The following NAB2 variants were observed in gnomAD, a reference collection of about 807,000 sequenced individuals.
NAB2 encodes the protein NGFI-A binding protein 2.
NAB2 carries 9 observed loss-of-function variants against 44.2 expected under a neutral mutation model. That is an observed-to-expected ratio of 0.20 (90% CI 0.12 to 0.36). The LOEUF is 0.36. Among genes scored for constraint, NAB2 ranks in the 10% least tolerant of loss-of-function variants. The probability of loss-of-function intolerance (pLI) is 1.00; values close to 1 mark genes in which losing one functional copy is unlikely to be tolerated. For synonymous variants in NAB2, 342 were observed against 291.0 expected (o/e 1.18, Z -1.78); for missense variants, 514 against 709.0 (o/e 0.73, Z 3.12).
intron 1 of NAB2, among the ~76,000 whole-genome samples, chr12:57,089,953 G>A (rs1484667995): frequency 6.6e-6 from 1 of 152,174 alleles, no homozygotes; most frequent in East Asian, 1.9e-4. Context: ...GAGAGTAGGC[G>A]GGAGCCCCTG....
intron 2 of NAB2, 139 bp downstream of exon 2, chr12:57,092,137 G>GC: frequency 1.4e-6 from 2 of 1,392,206 alleles, no homozygotes; most frequent in Non-Finnish European, 9.4e-7. Flanking sequence ...TCCCCAACAG[G>GC]CCCCTACCCC....
Position 57,094,835 on chromosome 12 carries a change from C to T in NAB2, c.*114C>T. Reference sequence around the variant, plus strand: ...CCCTGGATCCTTCCTCTGCCCTTCTCCTGCCTCCCCACCTGCTCCATGGGC... The same window carrying T: ...CCCTGGATCCTTCCTCTGCCCTTCTTCTGCCTCCCCACCTGCTCCATGGGC... On this transcript the variant is annotated 3_prime_UTR_variant, in exon 7 of 7. Transcript: ENST00000300131. 2 of 818,798 alleles carry T rather than the reference C, an allele frequency of 2.4e-6. No homozygotes were observed. Among genetic ancestry groups the T allele is most frequent in the South Asian group, 3.4e-5 (2 of 58,266 alleles). The allele number at this position is 818,798 out of a possible 1,614,324, so 50.7% of individuals were successfully genotyped here.
At position 57,092,578 on chromosome 12, in the gene NAB2, C is replaced by G. The variant is rs369196466; in HGVS notation, c.1088C>G (p.Ser363Cys). 4.3e-6 allele frequency: 7 copies of G among 1,613,952 alleles called. No individual in the cohort carries two copies. Among genetic ancestry groups the G allele is most frequent in the Non-Finnish European group, 5.1e-6 (6 of 1,179,962 alleles). ...ACCTACTTGTCCTCCTTGAAGGGCT[C>G]CAGGTGAGACCCCTTCCCCAGGTCC... ...ESTYLSSLKGSRLHPEELGGP... is the reference protein window; with the variant it reads ...ESTYLSSLKGCRLHPEELGGP... Residue 363 changes from serine (S) to cysteine (C), a missense_variant, in exon 3 of 7, where the codon TCC (serine) becomes TGC (cysteine). Around this residue, in one of 5 missense-constraint regions of NAB2, gnomAD observed 194 missense variants for 223.9 expected, o/e 0.87. Coordinates refer to ENST00000300131, the MANE Select transcript of NAB2 (RefSeq NM_005967.4).
In NAB2 at chr12:57,095,000, C is replaced by G; in HGVS notation, c.*279C>G. ...GGGCATCTGGGGTTTTCCCCTCCCT[C>G]ACACAACACACTCCCATTCTCTTTA... is the stretch of plus-strand genomic sequence containing the variant. On this transcript the variant is annotated 3_prime_UTR_variant, in exon 7 of 7. Coordinates refer to ENST00000300131, the MANE Select transcript of NAB2 (RefSeq NM_005967.4). The G allele has an allele frequency of 2.1e-6, 1 of 470,902 alleles. No individual in the cohort carries two copies. Among genetic ancestry groups the G allele is most frequent in the Non-Finnish European group, 3.8e-6 (1 of 262,356 alleles). 29.2% of individuals were successfully genotyped at this position (470,902 alleles called of 1,614,324 possible). A position where few individuals can be genotyped will look rare whatever the true frequency, so the allele number is the denominator to read the frequency against.
In NAB2 at chr12:57,094,596, C is replaced by A; in HGVS notation, c.1469-16C>A. On this transcript the variant is annotated splice_polypyrimidine_tract_variant and intron_variant, in intron 6 of 6. Transcript: ENST00000300131. ...AGTCACCCTGCAGTCTCCTAACTGC[C>A]CCCTTTTCCCTGCAGAGTTCGAGGA... The A allele has an allele frequency of 1.3e-6, 2 of 1,546,962 alleles. No homozygotes were observed. The highest frequency in any genetic ancestry group is 1.7e-6 in the Non-Finnish European group (2 of 1,143,062).
intron 3 of NAB2, 26 bp from the exon 4 acceptor site, chr12:57,092,891 C>A (rs201366928): frequency 1.2e-6 from 2 of 1,613,920 alleles, no homozygotes; most frequent in Non-Finnish European, 1.7e-6. Context: ...CAGCCTCATC[C>A]ACTTTATTCT....
At chr12:57,093,752 G>A (rs2033255154) in intron 6 of NAB2, among the ~76,000 whole-genome samples, 154 bp downstream of exon 6, 1 of 152,218 alleles carries the variant, frequency 6.6e-6, no homozygotes, top group Non-Finnish European at 1.5e-5. Flanking sequence ...GCCTTGGGGT[G>A]CAGAGAGGCA....
Position 57,089,192 on chromosome 12 carries a change from G to C in NAB2, c.-80G>C, listed in dbSNP as rs2033113322. On this transcript the variant is annotated 5_prime_UTR_variant, in exon 1 of 7. Transcript: ENST00000300131. ...TGGACAGCGGTGGACACGGCATCGT[G>C]CGCGGGGAAGAGGGCAGCACGCAGC... is the stretch of plus-strand genomic sequence containing the variant. The C allele has an allele frequency of 1.2e-5, 17 of 1,414,696 alleles. No individual in the cohort carries two copies. The highest frequency in any genetic ancestry group is 1.6e-5 in the Non-Finnish European group (17 of 1,031,210). The allele number at this position is 1,414,696 out of a possible 1,614,324, so 87.6% of individuals were successfully genotyped here.
intron 3 of NAB2, 127 bp from the exon 4 acceptor site, chr12:57,092,790 A>G (rs2136545055): frequency 7.3e-7 from 1 of 1,376,418 alleles, no homozygotes; most frequent in Non-Finnish European, 1.0e-6. Flanking sequence ...CTTGAACTAG[A>G]GACTCTTTCT....
intron 2 of NAB2, 24 bp from the exon 3 acceptor site, chr12:57,092,424 C>A: frequency 1.2e-6 from 2 of 1,611,800 alleles, no homozygotes; most frequent in Non-Finnish European, 1.7e-6. Context: ...AATTCTGACT[C>A]TCCTGGCTGC....
intron 6 of NAB2, 28 bp downstream of exon 6, chr12:57,093,626 A>C: frequency 1.4e-6 from 2 of 1,465,080 alleles, no homozygotes; most frequent in Non-Finnish European, 1.8e-6. Context: ...GCTGTCCCCA[A>C]GCACCCCGGC....
chr12:57,089,205 GGCA>G lies in NAB2; in HGVS notation c.-63_-61del. 6.7e-7 allele frequency: 1 copy of G among 1,483,162 alleles called. No homozygotes were observed. The highest frequency in any genetic ancestry group is 9.2e-7 in the Non-Finnish European group (1 of 1,089,460). The allele number at this position is 1,483,162 out of a possible 1,614,324, so 91.9% of individuals were successfully genotyped here. ...ACACGGCATCGTGCGCGGGGAAGAGGGCAGCACGCAGCAGGCGCCGAGCGCCGG... is the reference window on the plus strand; with the variant it reads ...ACACGGCATCGTGCGCGGGGAAGAGGGCACGCAGCAGGCGCCGAGCGCCGG... On this transcript the variant is annotated 5_prime_UTR_variant, in exon 1 of 7. Coordinates refer to ENST00000300131, the MANE Select transcript of NAB2 (RefSeq NM_005967.4).
intron 3 of NAB2, 134 bp from the exon 4 acceptor site, chr12:57,092,783 G>C (rs941911509): frequency 3.7e-6 from 5 of 1,351,390 alleles, no homozygotes; most frequent in African/African-American, 1.4e-5. Context: ...AATAGTGCTT[G>C]AACTAGAGAC....
At chr12:57,093,291 A>G in intron 5 of NAB2, 96 bp downstream of exon 5, 1 of 1,416,194 alleles carries the variant, frequency 7.1e-7, no homozygotes, top group East Asian at 2.4e-5. Context: ...TGCCTGAAAC[A>G]GGGTTGGGAG....
At chr12:57,089,778 A>G (rs569417087) in intron 1 of NAB2, among the ~76,000 whole-genome samples, 112 of 141,596 alleles carry the variant, frequency 7.9e-4, no homozygotes, top group African/African-American at 2.9e-3. Context: ...AGCGGGGGAA[A>G]GGGGGGGTGA....
In NAB2 at chr12:57,091,021, G is replaced by C; in HGVS notation, c.84-104G>C. Reference sequence around the variant, plus strand: ...GCAGGATAGCATCCAAATGAGGGAGGGGAAGAAAAGCAGGCAGGAAAGAGG... The same window carrying C: ...GCAGGATAGCATCCAAATGAGGGAGCGGAAGAAAAGCAGGCAGGAAAGAGG... On this transcript the variant is annotated intron_variant, in intron 1 of 6. Transcript: ENST00000300131. The surrounding 1 kb of genome is among the most constrained non-coding windows in gnomAD (Gnocchi z 7.3). 1 of 1,010,968 alleles carries C rather than the reference G, an allele frequency of 9.9e-7. No individual in the cohort carries two copies. Among genetic ancestry groups the C allele is most frequent in the Non-Finnish European group, 1.4e-6 (1 of 696,880 alleles). 62.6% of individuals were successfully genotyped at this position (1,010,968 alleles called of 1,614,324 possible). A position where few individuals can be genotyped will look rare whatever the true frequency, so the allele number is the denominator to read the frequency against.
Position 57,092,985 on chromosome 12 carries a change from G to A in NAB2, c.1143+17G>A, listed in dbSNP as rs199843359. ...AAACAAGAGGTATGTTTTCCGGGGT[G>A]CATATAGGGGCACTGGGCAGCCTTC... On this transcript the variant is annotated intron_variant, in intron 4 of 6. Coordinates refer to ENST00000300131, the MANE Select transcript of NAB2 (RefSeq NM_005967.4). The A allele has an allele frequency of 6.3e-4, 1,022 of 1,614,174 alleles. No individual in the cohort carries two copies. The highest frequency in any genetic ancestry group is 7.8e-4 in the Non-Finnish European group (921 of 1,180,018).
chr12:57,092,218 C>T lies in NAB2; in HGVS notation c.957+220C>T, dbSNP rs2033206453. The T allele has an allele frequency of 1.2e-5, 12 of 1,030,096 alleles. No homozygotes were observed. In the South Asian group the frequency reaches 1.9e-4, roughly 16 times the overall value. 63.8% of individuals were successfully genotyped at this position (1,030,096 alleles called of 1,614,324 possible). A position where few individuals can be genotyped will look rare whatever the true frequency, so the allele number is the denominator to read the frequency against. On this transcript the variant is annotated intron_variant, in intron 2 of 6. Coordinates refer to ENST00000300131, the MANE Select transcript of NAB2 (RefSeq NM_005967.4). ...ACAGGCAGCACCGAGCTGTTCAGCT[C>T]CTTGTCACTCAGGACCCCACAGGAG...
chr12:57,092,680 G>C, intron 3 of NAB2, 99 bp downstream of exon 3: 1 of 1,472,804 alleles, frequency 6.8e-7, no homozygotes, highest in Non-Finnish European at 9.2e-7. Flanking sequence ...CCTGCTTCCC[G>C]CCCACCTGGA....
Sources: gnomAD v4.1 joint callset for allele counts (sites outside exome capture counted in the v4.1 genomes callset) on GRCh38, gnomAD v4.1.1 for gene constraint, gnomAD v4.1.1 regional missense constraint, Gnocchi (gnomAD v3.1) non-coding constraint, MANE v1.5 for transcripts, NCBI Gene and HGNC (gene_info 2026-07-23, HGNC 2026-07-21) for gene names.